Variants in CMSS1 observed in about 807,000 individuals in gnomAD.
CMSS1 encodes the protein cms1 ribosomal small subunit homolog, also known as protein CMSS1.
Under a neutral mutation model 43.5 loss-of-function variants are expected in CMSS1, and 33 were observed. The ratio of observed to expected loss-of-function variants is 0.76; its 90% CI spans 0.57 to 1.01. CMSS1 has a LOEUF of 1.01. CMSS1 is among the 50% of genes least tolerant of loss of function. The pLI is 0.00. For missense variants in CMSS1, 313 were observed against 326.4 expected, an observed-to-expected ratio of 0.96 and a Z score of 0.32; for synonymous variants, 115 against 117.2, an observed-to-expected ratio of 0.98 and a Z score of 0.12.
Position 99,983,462 on chromosome 3 carries a change from GTGTATATATA to G in CMSS1, c.65-163509_65-163500del, listed in dbSNP as rs1238061334. 5.8e-3 allele frequency among the ~76,000 whole-genome samples: 70 copies of G among 11,980 alleles called. 4 individuals are homozygous for G. The highest frequency in any genetic ancestry group is 0.012 in the Admixed American group (12 of 970). The allele number at this position is 11,980 out of a possible 152,430, so 7.9% of individuals were successfully genotyped here. Reference sequence around the variant, plus strand: ...TATATGTATGTATATATATATATGTGTGTATATATATATATATATATATATATATATATAT... The same window carrying G: ...TATATGTATGTATATATATATATGTGTATATATATATATATATATATATAT... On this transcript the variant is annotated intron_variant, in intron 1 of 9. Coordinates refer to ENST00000421999, the MANE Select transcript of CMSS1 (RefSeq NM_032359.4).
In CMSS1 at chr3:99,901,500, G is replaced by A. The variant is rs551906721; in HGVS notation, c.64+83457G>A. Among the ~76,000 whole-genome samples, 13 of 152,272 alleles carry A rather than the reference G, an allele frequency of 8.5e-5. No individual in the cohort carries two copies. In the South Asian group the frequency reaches 2.7e-3, roughly 32 times the overall value. Reference sequence around the variant, plus strand: ...TGCCTCAGAATGAAACTGATTGAGTGTTTCAAATTATGTACTTTTGCTTGG... The same window carrying A: ...TGCCTCAGAATGAAACTGATTGAGTATTTCAAATTATGTACTTTTGCTTGG... On this transcript the variant is annotated intron_variant, in intron 1 of 9. Transcript: ENST00000421999.
chr3:100,098,244 G>A (rs1251598331), intron 1 of CMSS1, among the ~76,000 whole-genome samples: 3 of 152,200 alleles, frequency 2.0e-5, no homozygotes, highest in Admixed American at 6.5e-5. Flanking sequence ...ACCTGTATTG[G>A]TGATGATAAG....
At chr3:100,095,755 G>A (rs1459304535) in intron 1 of CMSS1, among the ~76,000 whole-genome samples, 1 of 152,098 alleles carries the variant, frequency 6.6e-6, no homozygotes, top group Non-Finnish European at 1.5e-5. Flanking sequence ...GGCAACCAAA[G>A]CAAAAATGGA....
chr3:99,860,124 A>G (rs1184085270), intron 1 of CMSS1, among the ~76,000 whole-genome samples: 2 of 152,188 alleles, frequency 1.3e-5, no homozygotes, highest in African/African-American at 4.8e-5. Flanking sequence ...GAGATCCTTT[A>G]GAGATACCAT....
intron 1 of CMSS1, among the ~76,000 whole-genome samples, chr3:99,912,253 C>T (rs1028642804): frequency 1.3e-5 from 2 of 152,170 alleles, no homozygotes; most frequent in Non-Finnish European, 2.9e-5. Flanking sequence ...CAAATAGCTA[C>T]ATCTTGTATG....
chr3:99,894,065 T>G (rs1322670961), intron 1 of CMSS1, among the ~76,000 whole-genome samples: 1 of 152,190 alleles, frequency 6.6e-6, no homozygotes, highest in Non-Finnish European at 1.5e-5. Context: ...TTCAGTAAAT[T>G]TTCTTTCCTC....
At chr3:99,880,608 T>C (rs1359960526) in intron 1 of CMSS1, among the ~76,000 whole-genome samples, 1 of 152,186 alleles carries the variant, frequency 6.6e-6, no homozygotes, top group African/African-American at 2.4e-5. Context: ...TGGGAAGTCC[T>C]TTGTTATTAA....
chr3:99,934,381 G>A (rs1707590064), intron 1 of CMSS1, among the ~76,000 whole-genome samples: 1 of 152,100 alleles, frequency 6.6e-6, no homozygotes, highest in African/African-American at 2.4e-5. Flanking sequence ...AAATATATTT[G>A]GTTCTTTACT....
In CMSS1 at chr3:99,907,252, T is replaced by G. The variant is rs1559683645; in HGVS notation, c.64+89209T>G. ...CTACCTATTACCCTTTTAATTTTCT[T>G]TTTTATTTTTTTTGAGACAGAGTCT... On this transcript the variant is annotated intron_variant, in intron 1 of 9. Transcript: ENST00000421999. 1.3e-5 allele frequency among the ~76,000 whole-genome samples: 2 copies of G among 152,036 alleles called. 1 individual carries two copies. Among genetic ancestry groups the G allele is most frequent in the East Asian group, 3.9e-4 (2 of 5,176 alleles).
chr3:99,917,510 T>C (rs540509031), intron 1 of CMSS1, among the ~76,000 whole-genome samples: 2 of 152,326 alleles, frequency 1.3e-5, no homozygotes, highest in Admixed American at 6.5e-5. Flanking sequence ...GGTGACTTTT[T>C]TTTATCTTGG....
At chr3:100,030,056 A>G (rs2064997398) in intron 1 of CMSS1, among the ~76,000 whole-genome samples, 1 of 152,190 alleles carries the variant, frequency 6.6e-6, no homozygotes, top group Admixed American at 6.6e-5. Context: ...GAAGAAAATC[A>G]GAACTGGAAA....
At chr3:100,014,887 C>CTTTTTTTTTTTTTTTTT (rs1559725867) in intron 1 of CMSS1, among the ~76,000 whole-genome samples, 2 of 32,460 alleles carry the variant, frequency 6.2e-5, no homozygotes, top group Non-Finnish European at 1.2e-4. Context: ...TTTTTTTTTT[C>CTTTTTTTTTTTTTTTTT]TTTCTTTCTT....
chr3:100,167,529 A>G (rs1194702868), intron 5 of CMSS1, among the ~76,000 whole-genome samples: 2 of 152,192 alleles, frequency 1.3e-5, no homozygotes, highest in African/African-American at 2.4e-5. Context: ...GGGACTTGGT[A>G]TGTTTGTTTT....
chr3:99,984,274 C>T (rs1462481579), intron 1 of CMSS1, among the ~76,000 whole-genome samples: 1 of 152,042 alleles, frequency 6.6e-6, no homozygotes, highest in East Asian at 1.9e-4. Flanking sequence ...GTAGAGTGTC[C>T]TGTCAAACAA....
chr3:100,059,401 C>A (rs752986190), intron 1 of CMSS1, among the ~76,000 whole-genome samples: 1 of 152,202 alleles, frequency 6.6e-6, no homozygotes, highest in Non-Finnish European at 1.5e-5. Context: ...AGCCTCATCT[C>A]CGTGATCATC....
intron 1 of CMSS1, among the ~76,000 whole-genome samples, chr3:100,043,804 G>A (rs986997291): frequency 6.6e-6 from 1 of 152,082 alleles, no homozygotes; most frequent in African/African-American, 2.4e-5. Context: ...TTATTTTATT[G>A]TGACAAGAAC....
intron 1 of CMSS1, among the ~76,000 whole-genome samples, chr3:99,877,252 C>G (rs1705565972): frequency 6.6e-6 from 1 of 152,160 alleles, no homozygotes; most frequent in African/African-American, 2.4e-5. Flanking sequence ...TTTAAAATTA[C>G]ATTAAAATAG....
At chr3:99,948,164 A>G (rs1038089157) in intron 1 of CMSS1, among the ~76,000 whole-genome samples, 1 of 152,204 alleles carries the variant, frequency 6.6e-6, no homozygotes, top group Non-Finnish European at 1.5e-5. Context: ...TGGTTACCAA[A>G]CAGTATACCA....
chr3:100,026,858 T>C (rs1483360408), intron 1 of CMSS1, among the ~76,000 whole-genome samples: 3 of 152,100 alleles, frequency 2.0e-5, no homozygotes, highest in Non-Finnish European at 4.4e-5. Flanking sequence ...ATCGCCCCAC[T>C]GCCCACAATC....
Sources: gnomAD v4.1 joint callset for allele counts (sites outside exome capture counted in the v4.1 genomes callset) on GRCh38, gnomAD v4.1.1 for gene constraint, MANE v1.5 for transcripts, NCBI Gene and HGNC (gene_info 2026-07-23, HGNC 2026-07-21) for gene names.